GALNTL6: variants seen among roughly 807,000 people sequenced by gnomAD.
GALNTL6 encodes polypeptide N-acetylgalactosaminyltransferase like 6.
A neutral mutation model predicts 73.7 loss-of-function variants in GALNTL6; 46 were observed. The observed-to-expected ratio is 0.62, with a 90% CI of 0.49 to 0.80. The LOEUF (loss-of-function observed/expected upper bound fraction) is 0.80. GALNTL6 is among the 30% of genes least tolerant of loss of function. The pLI, the probability that GALNTL6 is intolerant of heterozygous loss-of-function variation, is 0.00. For synonymous variants in GALNTL6, 259 were observed against 263.7 expected (o/e 0.98, Z 0.17); for missense variants, 604 against 755.0 (o/e 0.80, Z 2.34).
chr4:172,454,454 C>T (rs1240339691), intron 5 of GALNTL6, among the ~76,000 whole-genome samples: 2 of 152,222 alleles, frequency 1.3e-5, no homozygotes, highest in African/African-American at 2.4e-5. Context: ...TTTGGATCCC[C>T]ATTCCAAGAT....
rs556523837 is a variant in GALNTL6, at chr4:172,730,865, G to A, written c.554-78496G>A. 1.2e-3 allele frequency among the ~76,000 whole-genome samples: 188 copies of A among 152,184 alleles called. 1 individual carries two copies. The highest frequency in any genetic ancestry group is 4.4e-3 in the African/African-American group (183 of 41,520). On this transcript the variant is annotated intron_variant, in intron 5 of 12. Coordinates refer to ENST00000506823, the MANE Select transcript of GALNTL6 (RefSeq NM_001034845.3). Reference sequence around the variant, plus strand: ...GGAGGCCGAGGCGGGCGGATCACGAGGTCAGGAGATCGAGACCATCCTGGC... The same window carrying A: ...GGAGGCCGAGGCGGGCGGATCACGAAGTCAGGAGATCGAGACCATCCTGGC...
chr4:171,900,223 T>A (rs895866357), intron 2 of GALNTL6, among the ~76,000 whole-genome samples: 2 of 152,180 alleles, frequency 1.3e-5, no homozygotes, highest in Non-Finnish European at 2.9e-5. Flanking sequence ...TCAGCAGTCA[T>A]CAATTTTTTC....
chr4:172,074,636 CTG>C (rs2110908977), intron 2 of GALNTL6, among the ~76,000 whole-genome samples: 1 of 152,194 alleles, frequency 6.6e-6, no homozygotes, highest in East Asian at 1.9e-4. Context: ...GATCCAGGCA[CTG>C]TGCAATCATC....
At chr4:172,357,799 G>A (rs368379050) in intron 5 of GALNTL6, among the ~76,000 whole-genome samples, 9 of 152,100 alleles carry the variant, frequency 5.9e-5, no homozygotes, top group Admixed American at 1.3e-4. Flanking sequence ...GAGCAATGAC[G>A]AAAGAAAATT....
chr4:172,694,412 G>T (rs1401670679), intron 5 of GALNTL6, among the ~76,000 whole-genome samples: 2 of 152,000 alleles, frequency 1.3e-5, no homozygotes, highest in African/African-American at 4.8e-5. Context: ...TTCTGTTTCT[G>T]TGTTAGTTTG....
intron 2 of GALNTL6, among the ~76,000 whole-genome samples, chr4:172,117,005 G>A (rs889429255): frequency 2.0e-5 from 3 of 152,118 alleles, no homozygotes; most frequent in African/African-American, 7.2e-5. Flanking sequence ...GCATGTGTGT[G>A]TATAATGTAT....
intron 5 of GALNTL6, among the ~76,000 whole-genome samples, chr4:172,400,963 C>A (rs527925062): frequency 3.7e-4 from 57 of 152,164 alleles, no homozygotes; most frequent in Non-Finnish European, 7.5e-4. Flanking sequence ...CATTTCACTA[C>A]AAATGATAAA....
At chr4:172,926,070 CT>C in intron 8 of GALNTL6, among the ~76,000 whole-genome samples, 1 of 152,162 alleles carries the variant, frequency 6.6e-6, no homozygotes, top group East Asian at 1.9e-4. Context: ...AAATTTATTT[CT>C]CACTGTTCTG....
intron 2 of GALNTL6, among the ~76,000 whole-genome samples, chr4:171,924,068 T>C (rs1251218952): frequency 2.6e-5 from 4 of 151,738 alleles, no homozygotes; most frequent in Admixed American, 2.6e-4. Context: ...CCAGAAATGA[T>C]TGTAGATGCT....
intron 5 of GALNTL6, among the ~76,000 whole-genome samples, chr4:172,611,434 T>TA (rs997214850): frequency 6.6e-6 from 1 of 152,076 alleles, no homozygotes; most frequent in African/African-American, 2.4e-5. Context: ...TTAGGAAGCT[T>TA]AGTTTGGCTG....
At chr4:171,824,784 T>C (rs886578725) in intron 2 of GALNTL6, among the ~76,000 whole-genome samples, 5 of 152,196 alleles carry the variant, frequency 3.3e-5, no homozygotes, top group African/African-American at 1.2e-4. Context: ...TATTTTTGCA[T>C]TTTAAAGTAG....
intron 2 of GALNTL6, among the ~76,000 whole-genome samples, chr4:171,899,987 A>G (rs1014009286): frequency 1.3e-5 from 2 of 152,104 alleles, no homozygotes; most frequent in African/African-American, 2.4e-5. Context: ...AGATGGGAGG[A>G]TCATTTTATT....
intron 11 of GALNTL6, among the ~76,000 whole-genome samples, chr4:173,011,271 G>T (rs1579778835): frequency 6.6e-6 from 1 of 152,062 alleles, no homozygotes; most frequent in Admixed American, 6.5e-5. Flanking sequence ...TTGTCAGATG[G>T]GTATTTTGCA....
At chr4:172,264,288 T>G (rs1244719291) in intron 3 of GALNTL6, among the ~76,000 whole-genome samples, 2 of 151,254 alleles carry the variant, frequency 1.3e-5, no homozygotes, top group African/African-American at 4.8e-5. Flanking sequence ...TCATTTCTAC[T>G]TCCATTTTCT....
chr4:172,808,280 C>T (rs1741085402), intron 5 of GALNTL6, among the ~76,000 whole-genome samples: 1 of 152,226 alleles, frequency 6.6e-6, no homozygotes, highest in Non-Finnish European at 1.5e-5. Flanking sequence ...CACGGAGAAA[C>T]TCCAATACGG....
chr4:172,886,063 G>A (rs1365671567), intron 8 of GALNTL6, among the ~76,000 whole-genome samples: 1 of 152,176 alleles, frequency 6.6e-6, no homozygotes. Flanking sequence ...ATTATAGAAT[G>A]AGTTTGGAAG....
intron 9 of GALNTL6, among the ~76,000 whole-genome samples, chr4:172,936,104 C>A (rs1292685646): frequency 2.0e-5 from 3 of 152,182 alleles, no homozygotes; most frequent in Non-Finnish European, 2.9e-5. Flanking sequence ...GGCTTCATAC[C>A]TGGGATGCAA....
intron 8 of GALNTL6, among the ~76,000 whole-genome samples, chr4:172,884,450 C>T (rs1445070809): frequency 6.6e-6 from 1 of 152,108 alleles, no homozygotes; most frequent in Non-Finnish European, 1.5e-5. Context: ...GTATTATGCT[C>T]ATTTTTAAAT....
At chr4:172,483,838 A>T (rs974301335) in intron 5 of GALNTL6, among the ~76,000 whole-genome samples, 1 of 152,198 alleles carries the variant, frequency 6.6e-6, no homozygotes, top group African/African-American at 2.4e-5. Flanking sequence ...AGTTAGGAAA[A>T]AAAGAATCTT....
Sources: allele counts gnomAD v4.1 joint callset (sites outside exome capture counted in the v4.1 genomes callset), GRCh38; gene constraint gnomAD v4.1.1; transcripts MANE v1.5; gene names NCBI Gene and HGNC (gene_info 2026-07-23, HGNC 2026-07-21).